The following PRMT8 variants were observed in gnomAD, a reference collection of about 807,000 sequenced individuals.
PRMT8 encodes protein arginine methyltransferase 8.
In PRMT8, 7 loss-of-function variants were observed where a neutral mutation model predicts 47.1. The ratio of observed to expected loss-of-function variants is 0.15; its 90% CI spans 0.08 to 0.28. The LOEUF (loss-of-function observed/expected upper bound fraction) is 0.28. Ranked by LOEUF, PRMT8 falls within the 10% of genes least tolerant of loss-of-function variation. The pLI is 1.00. For synonymous variants in PRMT8, 188 were observed against 186.5 expected (o/e 1.01, Z -0.07); for missense variants, 237 against 505.4 (o/e 0.47, Z 5.09).
intron 4 of PRMT8, among the ~76,000 whole-genome samples, chr12:3,554,832 A>G (rs1180733092): frequency 2.6e-5 from 4 of 152,218 alleles, no homozygotes; most frequent in African/African-American, 4.8e-5. Context: ...CCTTTGCTCT[A>G]TGGATGCAGC....
chr12:3,462,452 TC>T (rs1865052293), intron 1 of PRMT8, among the ~76,000 whole-genome samples: 1 of 152,056 alleles, frequency 6.6e-6, no homozygotes, highest in Admixed American at 6.5e-5. Context: ...GACTTGCTAC[TC>T]ATTGTTAAAC....
chr12:3,488,104 T>C (rs1865339293), upstream of PRMT8, among the ~76,000 whole-genome samples: 1 of 152,190 alleles, frequency 6.6e-6, no homozygotes, highest in South Asian at 2.1e-4. Flanking sequence ...CTTGGGCAAT[T>C]CCTTGTGTTT....
chr12:3,487,414 G>A (rs960649392), upstream of PRMT8, among the ~76,000 whole-genome samples: 1 of 152,208 alleles, frequency 6.6e-6, no homozygotes, highest in Non-Finnish European at 1.5e-5. Context: ...GCAAAAGGAA[G>A]TGTTGGTTGG....
chr12:3,510,798 C>T (rs1423165148), intron 1 of PRMT8, among the ~76,000 whole-genome samples: 3 of 152,166 alleles, frequency 2.0e-5, no homozygotes, highest in Non-Finnish European at 4.4e-5. Context: ...TTCAGGTCCA[C>T]CTCCACCTCG....
intron 6 of PRMT8, chr12:3,574,155 A>T (rs1191989625): frequency 6.6e-6 from 1 of 152,214 alleles, no homozygotes; most frequent in Non-Finnish European, 1.5e-5. Context: ...TTCAAAAAAC[A>T]TTATCTGTGA....
chr12:3,555,178 G>C (rs929076342), intron 4 of PRMT8, among the ~76,000 whole-genome samples: 5 of 152,232 alleles, frequency 3.3e-5, no homozygotes, highest in African/African-American at 1.2e-4. Context: ...TTTAGGGGTA[G>C]GGGTTACAGA....
Position 3,555,931 on chromosome 12 carries a change from A to C in PRMT8, c.481+2217A>C, listed in dbSNP as rs11614405. Among the ~76,000 whole-genome samples the C allele has an allele frequency of 3.3e-3, 50 of 15,166 alleles. 5 individuals are homozygous for C. Among genetic ancestry groups the C allele is most frequent in the South Asian group, 0.019 (14 of 724 alleles). 9.9% of individuals were successfully genotyped at this position (15,166 alleles called of 152,430 possible). ...AAGCAAGGATTCTTTTTGACTTGGG[A>C]AACTGGGTGGATGGGACCTGAGGAT... On this transcript the variant is annotated intron_variant, in intron 4 of 9. Transcript: ENST00000382622.
intron 1 of PRMT8, among the ~76,000 whole-genome samples, chr12:3,536,960 G>T (rs1357517897): frequency 6.6e-6 from 1 of 152,206 alleles, no homozygotes; most frequent in Non-Finnish European, 1.5e-5. Context: ...GGACAGCATT[G>T]TCATGAAATT....
At chr12:3,517,933 C>T (rs79410743) in intron 1 of PRMT8, among the ~76,000 whole-genome samples, 7 of 151,864 alleles carry the variant, frequency 4.6e-5, no homozygotes, top group African/African-American at 9.7e-5. Flanking sequence ...ATTGAGTGTG[C>T]GAAGCTTTAA....
chr12:3,556,490 A>G (rs1047677509), intron 4 of PRMT8, among the ~76,000 whole-genome samples: 2 of 152,006 alleles, frequency 1.3e-5, no homozygotes, highest in Admixed American at 6.6e-5. Context: ...AGTGACCACC[A>G]TTGACTTTGG....
intron 8 of PRMT8, among the ~76,000 whole-genome samples, chr12:3,586,955 G>T (rs369305956): frequency 9.8e-4 from 150 of 152,298 alleles, no homozygotes; most frequent in Non-Finnish European, 1.5e-3. Context: ...GCGTGTCAGC[G>T]TGGGGGCTCT....
intron 8 of PRMT8, among the ~76,000 whole-genome samples, chr12:3,585,016 C>A (rs2137231294): frequency 6.6e-6 from 1 of 152,204 alleles, no homozygotes; most frequent in African/African-American, 2.4e-5. Context: ...CACAGGATTC[C>A]AACACAGGGC....
intron 1 of PRMT8, among the ~76,000 whole-genome samples, chr12:3,423,988 C>T (rs1458100507): frequency 1.3e-5 from 2 of 152,160 alleles, no homozygotes; most frequent in East Asian, 3.8e-4. Flanking sequence ...TCAGGCTTCC[C>T]ATGGCCATTG....
chr12:3,427,250 A>G (rs1864615269), intron 1 of PRMT8, among the ~76,000 whole-genome samples: 1 of 152,162 alleles, frequency 6.6e-6, no homozygotes, highest in South Asian at 2.1e-4. Context: ...CCTTGTAGAC[A>G]TATTTATTTA....
intron 1 of PRMT8, among the ~76,000 whole-genome samples, chr12:3,392,625 G>T (rs1259315312): frequency 6.6e-6 from 1 of 151,434 alleles, no homozygotes; most frequent in Non-Finnish European, 1.5e-5. Flanking sequence ...TGGACATTTG[G>T]GTTGGTTCCA....
Position 3,514,962 on chromosome 12 carries a change from A to G in PRMT8, c.75+23262A>G, listed in dbSNP as rs1351198739. Among the ~76,000 whole-genome samples the G allele has an allele frequency of 1.3e-5, 2 of 152,246 alleles. No homozygotes were observed. Among genetic ancestry groups the G allele is most frequent in the African/African-American group, 2.4e-5 (1 of 41,460 alleles). On this transcript the variant is annotated intron_variant, in intron 1 of 9. Coordinates refer to ENST00000382622, the MANE Select transcript of PRMT8 (RefSeq NM_019854.5). This position sits in a 1 kb window ranked among gnomAD's most constrained non-coding sequence, Gnocchi z 5.9. ...TAAGCTATGTTGACAAACAGAAATT[A>G]TGGATGCCATTCATCCAGCACTTGC...
At chr12:3,390,315 A>T (rs1384234902) in intron 1 of PRMT8, among the ~76,000 whole-genome samples, 1 of 152,212 alleles carries the variant, frequency 6.6e-6, no homozygotes, top group Non-Finnish European at 1.5e-5. Context: ...ACGCAGTGAA[A>T]AGTTCTGGCT....
At chr12:3,463,595 T>A (rs1388630801) in intron 1 of PRMT8, 1 of 152,230 alleles carries the variant, frequency 6.6e-6, no homozygotes, top group East Asian at 1.9e-4. Context: ...GCAGGACTCT[T>A]AAAATAATTA....
chr12:3,430,536 A>G (rs1202012635), intron 1 of PRMT8, among the ~76,000 whole-genome samples: 1 of 152,218 alleles, frequency 6.6e-6, no homozygotes, highest in Non-Finnish European at 1.5e-5. Flanking sequence ...TAACATTTAA[A>G]AAAATGCCTA....
Sources: allele counts gnomAD v4.1 joint callset (sites outside exome capture counted in the v4.1 genomes callset), GRCh38; gene constraint gnomAD v4.1.1; non-coding constraint Gnocchi (gnomAD v3.1); transcripts MANE v1.5; gene names NCBI Gene and HGNC (gene_info 2026-07-23, HGNC 2026-07-21).